The following CFAP70 variants were observed in gnomAD, a reference collection of about 807,000 sequenced individuals.
CFAP70 encodes cilia and flagella associated protein 70, also known as cilia- and flagella-associated protein 70.
In CFAP70, 81 loss-of-function variants were observed where a neutral mutation model predicts 137.6. That is an observed-to-expected ratio of 0.59 (90% CI 0.49 to 0.71). The LOEUF is 0.71. Ranked by LOEUF, CFAP70 falls within the 30% of genes least tolerant of loss-of-function variation. The probability of loss-of-function intolerance (pLI) is 0.00; values close to 1 mark genes in which losing one functional copy is unlikely to be tolerated. For synonymous variants in CFAP70, 382 were observed against 423.6 expected, an observed-to-expected ratio of 0.90 and a Z score of 1.20; for missense variants, 976 against 1,226.7, an observed-to-expected ratio of 0.80 and a Z score of 3.05.
chr10:73,302,373 T>C (rs1292234632), intron 12 of CFAP70, among the ~76,000 whole-genome samples: 2 of 152,168 alleles, frequency 1.3e-5, no homozygotes, highest in African/African-American at 4.8e-5. Context: ...AGTAGTTAAA[T>C]GCTGATGACA....
chr10:73,351,377 C>T (rs1305627681), intron 3 of CFAP70, among the ~76,000 whole-genome samples: 2 of 151,982 alleles, frequency 1.3e-5, no homozygotes, highest in Non-Finnish European at 2.9e-5. Context: ...CTTGGCCTCC[C>T]AAAGTGCTGG....
chr10:73,278,966 C>T (rs1164902428), intron 19 of CFAP70: 7 of 133,714 alleles, frequency 5.2e-5, no homozygotes, highest in Non-Finnish European at 7.7e-5. Flanking sequence ...CGGCATAGAG[C>T]GAGACTCCGT....
rs555382332 is a variant in CFAP70 at position 73,299,153 on chromosome 10, G to A, written c.1318-52C>T. On this transcript the variant is annotated intron_variant, in intron 13 of 26. Coordinates refer to ENST00000310715, the Ensembl canonical transcript of CFAP70. ...ACGCCTCAGAGAGGTCAAGAGCATG[G>A]ATTGGAAGTCTAAAACTGGATTTGG... 1.1e-5 allele frequency: 15 copies of A among 1,338,766 alleles called. No individual in the cohort carries two copies. The East Asian group carries it at 2.3e-4, about 21-fold the overall frequency. 82.9% of individuals were successfully genotyped at this position (1,338,766 alleles called of 1,614,324 possible). A position where few individuals can be genotyped will look rare whatever the true frequency, so the allele number is the denominator to read the frequency against.
At chr10:73,290,290 T>G (rs185142802) in intron 19 of CFAP70, among the ~76,000 whole-genome samples, 1 of 152,278 alleles carries the variant, frequency 6.6e-6, no homozygotes, top group East Asian at 1.9e-4. Context: ...TTCTATTTAA[T>G]TCTGGAAATT....
At chr10:73,254,161 C>A in intron 26 of CFAP70, 106 bp from the exon 28 acceptor site, 1 of 853,250 alleles carries the variant, frequency 1.2e-6, no homozygotes, top group African/African-American at 1.7e-5. Flanking sequence ...AACATAGTTC[C>A]CTGGGATGGA....
At chr10:73,285,821 G>A (rs1031694573) in intron 19 of CFAP70, among the ~76,000 whole-genome samples, 3 of 151,884 alleles carry the variant, frequency 2.0e-5, no homozygotes, top group Non-Finnish European at 4.4e-5. Context: ...TTTTAGTAGA[G>A]ATGGGGTTTC....
chr10:73,338,433 T>TC (rs1409442023), intron 6 of CFAP70, among the ~76,000 whole-genome samples: 2 of 131,064 alleles, frequency 1.5e-5, no homozygotes, highest in East Asian at 4.4e-4. Context: ...TGTGAATCTC[T>TC]TTTTTTTTTT....
Position 73,335,500 on chromosome 10 carries a change from CTGCT to C in CFAP70, c.603_606del (p.Ala202SerfsTer3). The C allele has an allele frequency of 6.2e-7, 1 of 1,611,714 alleles. No homozygotes were observed. The highest frequency in any genetic ancestry group is 8.5e-7 in the Non-Finnish European group (1 of 1,178,540). ...CAAATAATCCTTTTCTTTATGCACT[CTGCT>C]TGATTCCTAAATTCGCTGTCCTGTA... On this transcript the variant is annotated frameshift_variant, in exon 7 of 27. Transcript: ENST00000310715. LOFTEE classifies it high-confidence loss of function.
intron 19 of CFAP70, among the ~76,000 whole-genome samples, chr10:73,281,150 C>T (rs2047224339): frequency 6.6e-6 from 1 of 151,990 alleles, no homozygotes; most frequent in Admixed American, 6.6e-5. Flanking sequence ...GTGATTTCTT[C>T]TTTGACCTGT....
rs1391510158 is a variant in CFAP70, at chr10:73,338,162, T to G, written c.583-2638A>C. Among the ~76,000 whole-genome samples, 18 of 150,770 alleles carry G rather than the reference T, an allele frequency of 1.2e-4. No homozygotes were observed. In the East Asian group the frequency reaches 3.5e-3, roughly 29 times the overall value. On this transcript the variant is annotated intron_variant, in intron 6 of 26. Transcript: ENST00000310715. ...ATGCGGATTTTTTTTTTTTTTTTTT[T>G]GAGACAGAATCTTGCTCTGTCACCC...
intron 25 of CFAP70, 113 bp downstream of exon 26, chr10:73,269,501 A>C (rs2046064182): frequency 1.5e-6 from 1 of 687,326 alleles, no homozygotes; most frequent in African/African-American, 1.7e-5. Context: ...TTACACCTAG[A>C]GCTTATCAGA....
chr10:73,309,354 G>A lies in CFAP70; in HGVS notation c.1256+804C>T, dbSNP rs148304666. Reference sequence around the variant, plus strand: ...TTACATATATGTATATGTAACATGCGTGTGTGTGTTTATGTGTGTATGTGT... The same window carrying A: ...TTACATATATGTATATGTAACATGCATGTGTGTGTTTATGTGTGTATGTGT... On this transcript the variant is annotated intron_variant, in intron 12 of 26. Coordinates refer to ENST00000310715, the Ensembl canonical transcript of CFAP70. Among the ~76,000 whole-genome samples the A allele has an allele frequency of 2.8e-4, 42 of 152,210 alleles. 1 individual carries two copies. The East Asian group carries it at 6.8e-3, about 24-fold the overall frequency.
chr10:73,256,601 T>A (rs1376792196), intron 25 of CFAP70, among the ~76,000 whole-genome samples, 185 bp from the exon 27 acceptor site: 1 of 152,104 alleles, frequency 6.6e-6, no homozygotes, highest in Admixed American at 6.6e-5. Context: ...AAAAAGGTTT[T>A]TTTTTTAAAA....
rs750347233 is a variant in CFAP70, at chr10:73,322,947, T to G, written c.912+16A>C. The G allele has an allele frequency of 6.3e-7, 1 of 1,575,524 alleles. No homozygotes were observed. Among genetic ancestry groups the G allele is most frequent in the South Asian group, 1.2e-5 (1 of 84,128 alleles). ...GGATAAATTACCATGATGATTTTTA[T>G]GCAATTTTTTCTTACCTTTTCATGG... On this transcript the variant is annotated intron_variant, in intron 9 of 26. Coordinates refer to ENST00000310715, the Ensembl canonical transcript of CFAP70.
intron 3 of CFAP70, among the ~76,000 whole-genome samples, chr10:73,352,159 A>G (rs546895582): frequency 6.6e-6 from 1 of 152,350 alleles, no homozygotes; most frequent in South Asian, 2.1e-4. Flanking sequence ...AGTTTGGGAT[A>G]GAAGTCCAAG....
At chr10:73,281,884 T>C (rs771193518) in intron 19 of CFAP70, among the ~76,000 whole-genome samples, 30 of 152,178 alleles carry the variant, frequency 2.0e-4, no homozygotes, top group Non-Finnish European at 5.9e-5. Context: ...AGTGAATTAA[T>C]GCAGGAACAG....
At chr10:73,318,467 T>C (rs886899233) in intron 9 of CFAP70, among the ~76,000 whole-genome samples, 1 of 152,244 alleles carries the variant, frequency 6.6e-6, no homozygotes, top group Admixed American at 6.5e-5. Context: ...ATTTTTAATA[T>C]ATGAACAATA....
At position 73,335,453 on chromosome 10, in the gene CFAP70, G is replaced by T. The variant is rs748775611; in HGVS notation, c.654C>A (p.Tyr218Ter). 6.2e-7 allele frequency: 1 copy of T among 1,610,440 alleles called. No homozygotes were observed. ...ACCTGACCACTGCAGAAGGATCAAG[G>T]TAGCAGCGACTTTCCAAGTCCCAAA... The change falls in exon 7 of 27, where the codon TAC becomes TAA. Residue 218 changes from tyrosine to a stop codon, truncating the protein, a stop_gained. Coordinates refer to ENST00000310715, the Ensembl canonical transcript of CFAP70. LOFTEE classifies it high-confidence loss of function.
At chr10:73,303,412 G>A (rs2049118675) in intron 12 of CFAP70, among the ~76,000 whole-genome samples, 1 of 151,816 alleles carries the variant, frequency 6.6e-6, no homozygotes, top group South Asian at 2.1e-4. Flanking sequence ...TAGAGACAGT[G>A]TTTCACTGTG....
Sources: gnomAD v4.1 joint callset for allele counts (sites outside exome capture counted in the v4.1 genomes callset) on GRCh38, gnomAD v4.1.1 for gene constraint, MANE v1.5 for transcripts, NCBI Gene and HGNC (gene_info 2026-07-23, HGNC 2026-07-21) for gene names.